SLC4A4: variants seen among roughly 807,000 people sequenced by gnomAD.
SLC4A4 encodes solute carrier family 4 member 4.
SLC4A4 carries 27 observed loss-of-function variants against 111.5 expected under a neutral mutation model. That is an observed-to-expected ratio of 0.24 (90% CI 0.18 to 0.33). The LOEUF is 0.33. Among genes scored for constraint, SLC4A4 ranks in the 10% least tolerant of loss-of-function variants. The probability of loss-of-function intolerance (pLI) is 1.00; values close to 1 mark genes in which losing one functional copy is unlikely to be tolerated. For synonymous variants in SLC4A4, 443 were observed against 463.4 expected, an observed-to-expected ratio of 0.96 and a Z score of 0.57; for missense variants, 909 against 1,315.5, an observed-to-expected ratio of 0.69 and a Z score of 4.78.
chr4:71,453,585 G>T lies in SLC4A4; in HGVS notation c.1413G>T (p.Ser471=), dbSNP rs1158151729. 2.2e-5 allele frequency: 35 copies of T among 1,613,690 alleles called. No individual in the cohort carries two copies. Among genetic ancestry groups the T allele is most frequent in the Non-Finnish European group, 2.8e-5 (33 of 1,179,852 alleles). The change falls in exon 12 of 26, where the codon TCG becomes TCT. Residue 471 remains serine, a synonymous_variant. Transcript: ENST00000264485. ...FYDALNIQAL[S]AILFIYLATV... ...ATGCTTTAAATATTCAAGCTCTTTC[G>T]GCAATTCTCTTCATTTATCTGGCAA...
chr4:71,442,085 A>T (rs72853204), intron 8 of SLC4A4, among the ~76,000 whole-genome samples: 2,344 of 152,316 alleles, frequency 0.015, 59 homozygotes, highest in African/African-American at 0.053. Flanking sequence ...GAAAGAAAAA[A>T]ACATGCCCAG....
upstream of SLC4A4, among the ~76,000 whole-genome samples, chr4:71,182,916 G>A (rs1006620388): frequency 8.5e-5 from 13 of 152,130 alleles, no homozygotes; most frequent in African/African-American, 3.1e-4. Flanking sequence ...AAACAGAGAG[G>A]TCTGTGTCCT....
At chr4:71,311,323 T>C (rs998071888) in intron 3 of SLC4A4, among the ~76,000 whole-genome samples, 3 of 152,102 alleles carry the variant, frequency 2.0e-5, no homozygotes, top group African/African-American at 7.2e-5. Flanking sequence ...CAACTTGAAC[T>C]CAGCTATGGA....
chr4:71,266,717 A>G (rs1039161465), intron 3 of SLC4A4, among the ~76,000 whole-genome samples: 2 of 152,160 alleles, frequency 1.3e-5, no homozygotes, highest in African/African-American at 2.4e-5. Flanking sequence ...ATCATCCTTC[A>G]TGGTCCTGGG....
At chr4:71,242,096 T>C (rs895824733) in intron 2 of SLC4A4, among the ~76,000 whole-genome samples, 1 of 152,212 alleles carries the variant, frequency 6.6e-6, no homozygotes, top group Admixed American at 6.5e-5. Context: ...ATTTGAGAAT[T>C]TTCCAACTGC....
intron 2 of SLC4A4, among the ~76,000 whole-genome samples, chr4:71,147,861 A>G (rs16845907): frequency 0.018 from 2,706 of 152,216 alleles, 89 homozygotes; most frequent in African/African-American, 0.062. Flanking sequence ...TAAATGTACT[A>G]GTCTGGCCTG....
Position 71,451,306 on chromosome 4 carries a change from C to T in SLC4A4, c.1322+5C>T, listed in dbSNP as rs142119540. ...AGAATTGCAGCGAACTGGACGGTAA[C>T]TGACAGTTTCCTTTGCCATTCATGA... On this transcript the variant is annotated splice_donor_5th_base_variant and intron_variant, in intron 11 of 25. Transcript: ENST00000264485. 28 of 1,567,322 alleles carry T rather than the reference C, an allele frequency of 1.8e-5. No homozygotes were observed. In the African/African-American group the frequency reaches 3.4e-4, roughly 19 times the overall value.
Position 71,497,496 on chromosome 4 carries a change from T to C in SLC4A4, c.1975-5T>C. On this transcript the variant is annotated splice_region_variant and splice_polypyrimidine_tract_variant and intron_variant, in intron 15 of 25. Coordinates refer to ENST00000264485, the MANE Select transcript of SLC4A4 (RefSeq NM_001098484.3). ...TAGAAAAATTTTAATGTTTTTCTTC[T>C]TCAGTACCATAATACTACCTTTGAC... 6.2e-7 allele frequency: 1 copy of C among 1,611,984 alleles called. No homozygotes were observed. The highest frequency in any genetic ancestry group is 2.2e-5 in the East Asian group (1 of 44,748).
chr4:71,567,885 A>G lies in SLC4A4; in HGVS notation c.*134A>G, dbSNP rs1372114039. On this transcript the variant is annotated 3_prime_UTR_variant, in exon 26 of 26. Coordinates refer to ENST00000264485, the MANE Select transcript of SLC4A4 (RefSeq NM_001098484.3). The stretch of plus-strand genomic sequence containing the variant: ...CTGGAGGAGCAAGGGAACAGAAACT[A>G]CATTGTAACCTGTTTGTCTTTCTTA... 1 of 1,484,230 alleles carries G rather than the reference A, an allele frequency of 6.7e-7. No homozygotes were observed. The highest frequency in any genetic ancestry group is 1.3e-5 in the South Asian group (1 of 79,736). 91.9% of individuals were successfully genotyped at this position (1,484,230 alleles called of 1,614,324 possible).
At chr4:71,446,145 C>T (rs1223091689) in intron 8 of SLC4A4, among the ~76,000 whole-genome samples, 1 of 151,714 alleles carries the variant, frequency 6.6e-6, no homozygotes, top group Admixed American at 6.6e-5. Flanking sequence ...TTCTTCATTT[C>T]TGGGATTTTA....
chr4:71,527,314 G>A (rs1028021780), intron 16 of SLC4A4, among the ~76,000 whole-genome samples: 1 of 152,036 alleles, frequency 6.6e-6, no homozygotes, highest in African/African-American at 2.4e-5. Context: ...GAGGTGATGA[G>A]AAGTGGCAGG....
At chr4:71,359,748 A>G (rs1053627493) in intron 6 of SLC4A4, among the ~76,000 whole-genome samples, 3 of 152,220 alleles carry the variant, frequency 2.0e-5, no homozygotes, top group Non-Finnish European at 4.4e-5. Flanking sequence ...TTATTCCTAC[A>G]GTTTTAATAG....
intron 3 of SLC4A4, among the ~76,000 whole-genome samples, chr4:71,257,279 G>T (rs574736285): frequency 6.6e-6 from 1 of 152,168 alleles, no homozygotes; most frequent in Non-Finnish European, 1.5e-5. Flanking sequence ...CCTATGGAGA[G>T]ACAGTTGTTA....
chr4:71,509,050 C>T (rs1320887719), intron 16 of SLC4A4, among the ~76,000 whole-genome samples: 1 of 152,172 alleles, frequency 6.6e-6, no homozygotes, highest in African/African-American at 2.4e-5. Flanking sequence ...TAAAATTCAA[C>T]ATTCGTTTAT....
intron 3 of SLC4A4, among the ~76,000 whole-genome samples, chr4:71,328,015 TTCTAC>T (rs1267799223): frequency 6.6e-6 from 1 of 152,080 alleles, no homozygotes; most frequent in Non-Finnish European, 1.5e-5. Flanking sequence ...GTAACCATCC[TTCTAC>T]TCTGTATCTC....
chr4:71,175,946 C>T (rs1324039795), intron 2 of SLC4A4, among the ~76,000 whole-genome samples: 5 of 152,178 alleles, frequency 3.3e-5, no homozygotes, highest in Admixed American at 2.6e-4. Flanking sequence ...CAGACTGACA[C>T]CTCACATGGC....
intron 2 of SLC4A4, among the ~76,000 whole-genome samples, chr4:71,172,029 C>A (rs1343300745): frequency 2.6e-5 from 4 of 152,026 alleles, no homozygotes; most frequent in Admixed American, 2.6e-4. Context: ...AAATAACTTC[C>A]CTGGACTAGG....
chr4:71,244,691 C>T (rs1720509483), intron 2 of SLC4A4, among the ~76,000 whole-genome samples: 1 of 151,906 alleles, frequency 6.6e-6, no homozygotes, highest in South Asian at 2.1e-4. Flanking sequence ...AAAGCTAATA[C>T]TAATATCTGG....
intron 7 of SLC4A4, among the ~76,000 whole-genome samples, chr4:71,419,746 G>A (rs750429774): frequency 2.7e-4 from 41 of 152,174 alleles, no homozygotes; most frequent in Non-Finnish European, 4.6e-4. Context: ...AGATGAACCC[G>A]GTACCTCAGA....
Sources: allele counts gnomAD v4.1 joint callset (sites outside exome capture counted in the v4.1 genomes callset), GRCh38; gene constraint gnomAD v4.1.1; transcripts MANE v1.5; gene names NCBI Gene and HGNC (gene_info 2026-07-23, HGNC 2026-07-21).